Variants in AGMO observed in about 807,000 individuals in gnomAD.
AGMO encodes glyceryl-ether monooxygenase.
A neutral mutation model predicts 60.2 loss-of-function variants in AGMO; 75 were observed. The ratio of observed to expected loss-of-function variants is 1.25; its 90% CI spans 1.03 to 1.51. The LOEUF is 1.51. Ranked by LOEUF, AGMO falls within the 40% of genes most tolerant of loss-of-function variation. The probability of loss-of-function intolerance (pLI) is 0.00; values close to 1 mark genes in which losing one functional copy is unlikely to be tolerated. For synonymous variants in AGMO, 261 were observed against 177.1 expected (o/e 1.47, Z -3.76); for missense variants, 763 against 525.5 (o/e 1.45, Z -4.42).
At chr7:15,255,281 CAGCAAACCACCATGCACGT>C (rs1310532650) in intron 12 of AGMO, among the ~76,000 whole-genome samples, 2 of 152,060 alleles carry the variant, frequency 1.3e-5, no homozygotes, top group African/African-American at 4.8e-5. Context: ...TTGATGGGTG[CAGCAAACCACCATGCACGT>C]GTATACCTAA....
intron 3 of AGMO, among the ~76,000 whole-genome samples, chr7:15,453,281 G>T (rs565853999): frequency 6.6e-6 from 1 of 152,020 alleles, no homozygotes; most frequent in East Asian, 1.9e-4. Context: ...TAAAGAAAGG[G>T]GAAAAAAGAA....
intron 12 of AGMO, among the ~76,000 whole-genome samples, chr7:15,301,535 T>A (rs531316735): frequency 1.3e-5 from 2 of 151,812 alleles, no homozygotes; most frequent in Admixed American, 1.3e-4. Flanking sequence ...ATTATACAAC[T>A]AGTTCTCAAT....
intron 5 of AGMO, among the ~76,000 whole-genome samples, chr7:15,399,967 G>C (rs1350404981): frequency 6.6e-6 from 1 of 152,060 alleles, no homozygotes; most frequent in East Asian, 1.9e-4. Context: ...AATTCTCCAA[G>C]CACTCTTCTT....
At chr7:15,414,864 C>T (rs1367867424) in intron 5 of AGMO, among the ~76,000 whole-genome samples, 1 of 152,082 alleles carries the variant, frequency 6.6e-6, no homozygotes, top group Non-Finnish European at 1.5e-5. Context: ...AACTTTTTCT[C>T]AACAAGTCAT....
intron 12 of AGMO, among the ~76,000 whole-genome samples, chr7:15,252,359 G>A (rs1284355145): frequency 1.3e-5 from 2 of 152,180 alleles, no homozygotes; most frequent in Non-Finnish European, 2.9e-5. Flanking sequence ...TTCCCTTTGA[G>A]TGTGGGTGGA....
At chr7:15,255,534 C>CAAAAAAAAAAAAAAAAAA (rs60035165) in intron 12 of AGMO, among the ~76,000 whole-genome samples, 2 of 115,826 alleles carry the variant, frequency 1.7e-5, no homozygotes, top group African/African-American at 3.2e-5. Context: ...TGTAAGAATA[C>CAAAAAAAAAAAAAAAAAA]AAAAAAAAAA....
the AGMO span, among the ~76,000 whole-genome samples, chr7:15,169,502 T>C: frequency 3.9e-5 from 6 of 152,080 alleles, no homozygotes; most frequent in Non-Finnish European, 8.8e-5. Flanking sequence ...AGTGCTGCAA[T>C]CTCGGCTCAC....
At chr7:15,140,344 C>T in the AGMO span, among the ~76,000 whole-genome samples, 1 of 152,026 alleles carries the variant, frequency 6.6e-6, no homozygotes, top group Admixed American at 6.5e-5. Flanking sequence ...TGTCTTTTCC[C>T]TCTGGCATCT....
At chr7:15,521,079 T>C (rs1474448311) in intron 3 of AGMO, among the ~76,000 whole-genome samples, 2 of 151,968 alleles carry the variant, frequency 1.3e-5, no homozygotes, top group African/African-American at 2.4e-5. Context: ...TCTATGCAAA[T>C]AAATTAGAAA....
intron 3 of AGMO, among the ~76,000 whole-genome samples, chr7:15,496,458 C>G (rs998136217): frequency 6.6e-6 from 1 of 152,000 alleles, no homozygotes; most frequent in Non-Finnish European, 1.5e-5. Context: ...TCCCTAAACT[C>G]AGGGTTTCTC....
intron 3 of AGMO, among the ~76,000 whole-genome samples, chr7:15,480,151 G>T (rs1782711519): frequency 6.6e-6 from 1 of 152,116 alleles, no homozygotes; most frequent in African/African-American, 2.4e-5. Flanking sequence ...TTACTTCCGA[G>T]ATAGGAATAC....
At chr7:15,192,891 A>T in the AGMO span, among the ~76,000 whole-genome samples, 1 of 152,140 alleles carries the variant, frequency 6.6e-6, no homozygotes, top group Non-Finnish European at 1.5e-5. Flanking sequence ...ACCAAAGCAA[A>T]TTTTTAAAAA....
chr7:15,238,810 A>G (rs967817799), intron 12 of AGMO, among the ~76,000 whole-genome samples: 1 of 152,096 alleles, frequency 6.6e-6, no homozygotes, highest in Admixed American at 6.5e-5. Flanking sequence ...ATAAAATGTC[A>G]TAGAAAGTCA....
intron 3 of AGMO, among the ~76,000 whole-genome samples, chr7:15,448,986 T>G (rs968193805): frequency 1.3e-5 from 2 of 152,184 alleles, no homozygotes; most frequent in Non-Finnish European, 2.9e-5. Flanking sequence ...AGCTGGAGTT[T>G]AAATCCAGAC....
At chr7:15,128,520 A>C in the AGMO span, among the ~76,000 whole-genome samples, 2 of 152,048 alleles carry the variant, frequency 1.3e-5, no homozygotes, top group Non-Finnish European at 2.9e-5. Context: ...TTAGTTCTTT[A>C]CATAAAGCTT....
Position 15,405,217 on chromosome 7 carries a change from G to A in AGMO, c.610-11038C>T, listed in dbSNP as rs149016446. On this transcript the variant is annotated intron_variant, in intron 5 of 12. Transcript: ENST00000342526. Reference sequence around the variant, plus strand: ...CTTCTTGTCGCTTTCTCTGCCTCCTGACAATAAACAAACATATTGTAGACA... The same window carrying A: ...CTTCTTGTCGCTTTCTCTGCCTCCTAACAATAAACAAACATATTGTAGACA... Among the ~76,000 whole-genome samples the A allele has an allele frequency of 2.1e-3, 314 of 151,836 alleles. 1 individual carries two copies. Among genetic ancestry groups the A allele is most frequent in the African/African-American group, 7.0e-3 (291 of 41,496 alleles).
intron 3 of AGMO, among the ~76,000 whole-genome samples, chr7:15,500,601 A>G (rs1783357867): frequency 6.6e-6 from 1 of 151,872 alleles, no homozygotes; most frequent in African/African-American, 2.4e-5. Flanking sequence ...CAGGAAAAAT[A>G]TTTTTAAAAT....
intron 12 of AGMO, among the ~76,000 whole-genome samples, chr7:15,244,059 C>A (rs369948054): frequency 6.6e-6 from 1 of 152,096 alleles, no homozygotes; most frequent in Non-Finnish European, 1.5e-5. Context: ...TTCCTAAAAG[C>A]ATTTTGTTCA....
intron 12 of AGMO, among the ~76,000 whole-genome samples, chr7:15,301,221 T>C (rs1046713706): frequency 6.6e-6 from 1 of 152,044 alleles, no homozygotes; most frequent in African/African-American, 2.4e-5. Context: ...GGTGGATCAC[T>C]TGAGGTCAGG....
Sources: allele counts gnomAD v4.1 joint callset (sites outside exome capture counted in the v4.1 genomes callset), GRCh38; gene constraint gnomAD v4.1.1; transcripts MANE v1.5; gene names NCBI Gene and HGNC (gene_info 2026-07-23, HGNC 2026-07-21).